KNDC1: variants seen among roughly 807,000 people sequenced by gnomAD.
KNDC1 encodes the protein kinase non-catalytic C-lobe domain containing 1, also known as kinase non-catalytic C-lobe domain-containing protein 1.
KNDC1 carries 106 observed loss-of-function variants against 172.8 expected under a neutral mutation model. The ratio of observed to expected loss-of-function variants is 0.61; its 90% CI spans 0.52 to 0.72. The LOEUF is 0.72. KNDC1 is among the 30% of genes least tolerant of loss of function. The pLI, the probability that KNDC1 is intolerant of heterozygous loss-of-function variation, is 0.00. For synonymous variants in KNDC1, 1,083 were observed against 1,062.2 expected, an observed-to-expected ratio of 1.02 and a Z score of -0.38; for missense variants, 2,325 against 2,394.5, an observed-to-expected ratio of 0.97 and a Z score of 0.61.
At chr10:133,198,306 C>A in intron 12 of KNDC1, 31 bp from the exon 13 acceptor site, 1 of 1,525,320 alleles carries the variant, frequency 6.6e-7, no homozygotes, top group East Asian at 2.4e-5. Flanking sequence ...CCACTCCGCC[C>A]GCCCACACCC....
intron 17 of KNDC1, 188 bp downstream of exon 17, chr10:133,202,086 C>T: frequency 1.4e-6 from 1 of 738,360 alleles, no homozygotes; most frequent in South Asian, 1.5e-5. Flanking sequence ...AGCTCCACGT[C>T]TAGGGACAGG....
At position 133,198,471 on chromosome 10, in the gene KNDC1, G is replaced by C; in HGVS notation, c.2041G>C (p.Val681Leu). 6.2e-7 allele frequency: 1 copy of C among 1,606,834 alleles called. No homozygotes were observed. Among genetic ancestry groups the C allele is most frequent in the Admixed American group, 1.7e-5 (1 of 59,418 alleles). Reference protein sequence around the residue: ...TSEATHFKPIVLAQNASVARD... With the variant: ...TSEATHFKPILLAQNASVARD... ...CGAGGCCACGCACTTCAAGCCCATTGTCCTCGCGCAGAACGCAAGTGTGGC... is the reference window on the plus strand; with the variant it reads ...CGAGGCCACGCACTTCAAGCCCATTCTCCTCGCGCAGAACGCAAGTGTGGC... Residue 681 changes from valine (V) to leucine (L), a missense_variant, in exon 13 of 30, where the codon GTC (valine) becomes CTC (leucine). By Grantham distance (32) the Val-to-Leu change is conservative. Coordinates refer to ENST00000304613, the MANE Select transcript of KNDC1 (RefSeq NM_152643.8).
Position 133,211,866 on chromosome 10 carries a change from C to G in KNDC1, c.4236+8C>G. On this transcript the variant is annotated splice_region_variant and intron_variant, in intron 23 of 29. Transcript: ENST00000304613. ...GACGGCATCTCCAGGAAGGTGGGGT[C>G]CTTTCTCAGGGGAGGTCCTCCCTGG... 6.2e-7 allele frequency: 1 copy of G among 1,601,966 alleles called. No homozygotes were observed. Among genetic ancestry groups the G allele is most frequent in the Non-Finnish European group, 8.5e-7 (1 of 1,177,586 alleles).
At chr10:133,197,266 T>C in intron 11 of KNDC1, 131 bp downstream of exon 11, 1 of 703,132 alleles carries the variant, frequency 1.4e-6, no homozygotes, top group Admixed American at 2.1e-5. Flanking sequence ...GAGCTGTGGG[T>C]GGGTGCATCT....
rs1236715750 is a variant in KNDC1 at position 133,160,277 on chromosome 10, A to AGC, written c.-191_-190insGC. On this transcript the variant is annotated 5_prime_UTR_variant, in exon 1 of 30. Coordinates refer to ENST00000304613, the MANE Select transcript of KNDC1 (RefSeq NM_152643.8). ...GGACAGCGCCGCGCAGCCCCCGCGC[A>AGC]CCCCGCGCCCCCCGCGCCCCCCGGG... 2.3e-5 allele frequency among the ~76,000 whole-genome samples: 3 copies of AGC among 132,908 alleles called. No individual in the cohort carries two copies. The highest frequency in any genetic ancestry group is 6.1e-5 in the African/African-American group (2 of 32,544). The allele number at this position is 132,908 out of a possible 152,430, so 87.2% of individuals were successfully genotyped here.
At chr10:133,178,584 C>A (rs183427041) in intron 3 of KNDC1, among the ~76,000 whole-genome samples, 1 of 152,252 alleles carries the variant, frequency 6.6e-6, no homozygotes, top group African/African-American at 2.4e-5. Context: ...TCCGGTCCCC[C>A]CTCTGCTGCC....
In KNDC1 at chr10:133,160,275, G is replaced by A. The variant is rs1009286688; in HGVS notation, c.-193G>A. Among the ~76,000 whole-genome samples, 2 of 120,588 alleles carry A rather than the reference G, an allele frequency of 1.7e-5. No individual in the cohort carries two copies. The highest frequency in any genetic ancestry group is 3.6e-5 in the Non-Finnish European group (2 of 55,544). The allele number at this position is 120,588 out of a possible 152,430, so 79.1% of individuals were successfully genotyped here. On this transcript the variant is annotated 5_prime_UTR_variant, in exon 1 of 30. Transcript: ENST00000304613. ...CCGGACAGCGCCGCGCAGCCCCCGC[G>A]CACCCCGCGCCCCCCGCGCCCCCCG...
intron 1 of KNDC1, among the ~76,000 whole-genome samples, chr10:133,162,052 T>G (rs1591210493): frequency 6.6e-6 from 1 of 151,916 alleles, no homozygotes; most frequent in African/African-American, 2.4e-5. Context: ...AGTACTGGGG[T>G]GGGTGGCTCC....
In KNDC1 at chr10:133,185,990, C is replaced by A; in HGVS notation, c.642C>A (p.Ser214Arg). The part of the protein sequence containing the change: ...FGALQDVSES[S>R]WRERPAPGNA... ...TGTGCCCAGATGTCAGCGAGAGCAG[C>A]TGGCGGGAGAGACCTGCCCCAGGAA... Residue 214 changes from serine to arginine, a missense_variant, in exon 6 of 30, where the codon AGC becomes AGA. Physicochemically the swap from Ser to Arg is moderately radical, Grantham distance 110 (BLOSUM62 -1). Coordinates refer to ENST00000304613, the MANE Select transcript of KNDC1 (RefSeq NM_152643.8). 1 of 1,471,498 alleles carries A rather than the reference C, an allele frequency of 6.8e-7. No homozygotes were observed. The allele number at this position is 1,471,498 out of a possible 1,614,324, so 91.2% of individuals were successfully genotyped here.
chr10:133,220,102 A>G lies in KNDC1; in HGVS notation c.5008A>G (p.Ser1670Gly). The change falls in exon 29 of 30, where the codon AGC becomes GGC. Residue 1670 changes from serine (S) to glycine (G), a missense_variant. Ser to Gly is a moderately conservative substitution (Grantham distance 56, BLOSUM62 0). Transcript: ENST00000304613. ...CATGACCAACGGGGCCCACAGGTGG[A>G]GCAAGCTCAGGTGAGGAGGGGCTCA... ...FTMTNGAHRWSKLRNIAKVVS... is the reference protein window; with the variant it reads ...FTMTNGAHRWGKLRNIAKVVS... 1 of 1,564,780 alleles carries G rather than the reference A, an allele frequency of 6.4e-7. No individual in the cohort carries two copies. The highest frequency in any genetic ancestry group is 8.7e-7 in the Non-Finnish European group (1 of 1,154,732).
At chr10:133,178,398 C>T (rs958799719) in intron 3 of KNDC1, among the ~76,000 whole-genome samples, 2 of 152,144 alleles carry the variant, frequency 1.3e-5, no homozygotes, top group Non-Finnish European at 2.9e-5. Flanking sequence ...AGAGTAAGAA[C>T]AGCATATGCG....
chr10:133,185,192 G>C (rs922361554), intron 5 of KNDC1, among the ~76,000 whole-genome samples: 5 of 148,990 alleles, frequency 3.4e-5, no homozygotes, highest in African/African-American at 1.3e-4. Flanking sequence ...GCAGTGTGGA[G>C]TAGGCAGTGT....
chr10:133,161,885 C>T (rs755727065), intron 1 of KNDC1, among the ~76,000 whole-genome samples: 1 of 152,226 alleles, frequency 6.6e-6, no homozygotes, highest in Admixed American at 6.5e-5. Context: ...GCTCCGCACA[C>T]GGAGGCAGCA....
In KNDC1 at chr10:133,183,405, C is replaced by A. The variant is rs1198474361; in HGVS notation, c.422C>A (p.Thr141Lys). The change falls in exon 4 of 30, where the codon ACA becomes AAA. Residue 141 changes from threonine (T) to lysine (K), a missense_variant. Physicochemically the swap from Thr to Lys is moderately conservative, Grantham distance 78 (BLOSUM62 -1). Coordinates refer to ENST00000304613, the MANE Select transcript of KNDC1 (RefSeq NM_152643.8). ...GCCCTCGAGTACGTGGCAGAGCCCA[C>A]ACTGGAACCCAGGCTGAGCCAAGAC... ...KAALEYVAEP[T>K]LEPRLSQDLE... 6.2e-7 allele frequency: 1 copy of A among 1,603,048 alleles called. No homozygotes were observed. Among genetic ancestry groups the A allele is most frequent in the Non-Finnish European group, 8.5e-7 (1 of 1,176,644 alleles).
At chr10:133,222,543 G>C (rs559217568) in intron 29 of KNDC1, among the ~76,000 whole-genome samples, 1 of 50,470 alleles carries the variant, frequency 2.0e-5, no homozygotes, top group East Asian at 3.7e-4. Context: ...CGGCGTGTGT[G>C]TGTGTGAGAG....
chr10:133,180,995 G>A lies in KNDC1; in HGVS notation c.361-2349G>A, dbSNP rs11101617. 6.1e-3 allele frequency among the ~76,000 whole-genome samples: 923 copies of A among 152,358 alleles called. 5 individuals are homozygous for A. The highest frequency in any genetic ancestry group is 0.021 in the African/African-American group (879 of 41,584). ...AGGGTTTGTCGCAGCTGTCAGAATT[G>A]TAAGTGGAGGTGACCTGGGACCCAG... is the stretch of plus-strand genomic sequence containing the variant. On this transcript the variant is annotated intron_variant, in intron 3 of 29. Transcript: ENST00000304613.
At chr10:133,214,847 G>T (rs1845442816) in intron 26 of KNDC1, among the ~76,000 whole-genome samples, 1 of 152,230 alleles carries the variant, frequency 6.6e-6, no homozygotes, top group Non-Finnish European at 1.5e-5. Flanking sequence ...GCACTGTGCA[G>T]CCCCTAGAGA....
intron 3 of KNDC1, among the ~76,000 whole-genome samples, chr10:133,173,132 C>T (rs967151510): frequency 1.3e-5 from 2 of 152,222 alleles, no homozygotes; most frequent in African/African-American, 4.8e-5. Context: ...GCATTAGCTG[C>T]AGGTCACCCC....
intron 1 of KNDC1, among the ~76,000 whole-genome samples, chr10:133,165,320 C>A (rs1020305911): frequency 6.6e-6 from 1 of 152,230 alleles, no homozygotes; most frequent in Non-Finnish European, 1.5e-5. Context: ...ATCTCCCCTC[C>A]AGGTCTGAGC....
Sources: allele counts gnomAD v4.1 joint callset (sites outside exome capture counted in the v4.1 genomes callset), GRCh38; gene constraint gnomAD v4.1.1; transcripts MANE v1.5; gene names NCBI Gene and HGNC (gene_info 2026-07-23, HGNC 2026-07-21).